The following GNA12 variants were observed in gnomAD, a reference collection of about 807,000 sequenced individuals.
The protein encoded by GNA12 is guanine nucleotide-binding protein subunit alpha-12.
Under a neutral mutation model 26.0 loss-of-function variants are expected in GNA12, and 9 were observed. That is an observed-to-expected ratio of 0.35 (90% CI 0.21 to 0.60). GNA12 has a LOEUF of 0.60. Ranked by LOEUF, GNA12 falls within the 20% of genes least tolerant of loss-of-function variation. The pLI, the probability that GNA12 is intolerant of heterozygous loss-of-function variation, is 0.78. For synonymous variants in GNA12, 264 were observed against 219.6 expected, an observed-to-expected ratio of 1.20 and a Z score of -1.79; for missense variants, 405 against 525.8, an observed-to-expected ratio of 0.77 and a Z score of 2.25.
chr7:2,796,023 G>T (rs963256193), intron 1 of GNA12, among the ~76,000 whole-genome samples: 1 of 151,782 alleles, frequency 6.6e-6, no homozygotes, highest in African/African-American at 2.4e-5. Flanking sequence ...GACCACCACG[G>T]ACTGCTAATT....
chr7:2,770,228 G>A (rs749963599), intron 2 of GNA12, among the ~76,000 whole-genome samples: 2 of 152,156 alleles, frequency 1.3e-5, no homozygotes, highest in African/African-American at 4.8e-5. Context: ...ACTTGCCCTG[G>A]AGAGTCCCAA....
chr7:2,774,545 G>T (rs1264113896), intron 2 of GNA12, among the ~76,000 whole-genome samples: 2 of 152,236 alleles, frequency 1.3e-5, no homozygotes, highest in East Asian at 1.9e-4. Flanking sequence ...AGCAGTGACA[G>T]AGAGGAGGGG....
intron 2 of GNA12, among the ~76,000 whole-genome samples, chr7:2,786,081 T>C (rs889603776): frequency 5.3e-5 from 8 of 152,014 alleles, no homozygotes; most frequent in African/African-American, 1.9e-4. Context: ...GAAGGTACAC[T>C]GGAAAGGGGC....
intron 2 of GNA12, among the ~76,000 whole-genome samples, chr7:2,781,407 A>AGTGTGTGTGTGTGT (rs1444568534): frequency 3.4e-5 from 2 of 58,856 alleles, no homozygotes; most frequent in Non-Finnish European, 7.2e-5. Context: ...TTTCAAAGTA[A>AGTGTGTGTGTGTGT]GTGTCTGTGT....
intron 2 of GNA12, among the ~76,000 whole-genome samples, chr7:2,761,909 T>C (rs1250743120): frequency 6.6e-6 from 1 of 152,184 alleles, no homozygotes; most frequent in Non-Finnish European, 1.5e-5. Flanking sequence ...CCATCTGTCG[T>C]ATCCACGGAA....
At chr7:2,745,478 T>C (rs1410188054) in intron 2 of GNA12, among the ~76,000 whole-genome samples, 2 of 152,186 alleles carry the variant, frequency 1.3e-5, no homozygotes, top group East Asian at 1.9e-4. Context: ...CTGAGAGATT[T>C]TGTCACCACC....
At chr7:2,808,610 G>A (rs148350748) in intron 1 of GNA12, among the ~76,000 whole-genome samples, 1 of 152,324 alleles carries the variant, frequency 6.6e-6, no homozygotes, top group East Asian at 1.9e-4. Context: ...GTCTGGCCCA[G>A]CCTGTCAGCC....
At chr7:2,806,080 CCTT>C (rs1209960495) in intron 1 of GNA12, among the ~76,000 whole-genome samples, 2 of 152,218 alleles carry the variant, frequency 1.3e-5, no homozygotes, top group African/African-American at 4.8e-5. Flanking sequence ...CGTTCTTTCT[CCTT>C]AATGTGGCTA....
At chr7:2,787,065 G>A (rs1016130463) in intron 2 of GNA12, among the ~76,000 whole-genome samples, 2 of 152,066 alleles carry the variant, frequency 1.3e-5, no homozygotes, top group Non-Finnish European at 2.9e-5. Context: ...AAAGACAAGC[G>A]GTGGGCTCCC....
intron 1 of GNA12, among the ~76,000 whole-genome samples, chr7:2,839,547 C>T (rs967076238): frequency 6.6e-6 from 1 of 152,238 alleles, no homozygotes; most frequent in South Asian, 2.1e-4. Context: ...CTGCACCCAG[C>T]CAATTTTTGT....
At chr7:2,778,073 C>G (rs1792123286) in intron 2 of GNA12, among the ~76,000 whole-genome samples, 1 of 152,228 alleles carries the variant, frequency 6.6e-6, no homozygotes, top group African/African-American at 2.4e-5. Context: ...ACGAGCTACA[C>G]TATGCCGCCT....
At chr7:2,802,511 A>C (rs1792835815) in intron 1 of GNA12, among the ~76,000 whole-genome samples, 1 of 152,146 alleles carries the variant, frequency 6.6e-6, no homozygotes, top group Non-Finnish European at 1.5e-5. Flanking sequence ...AAATCTTTTA[A>C]GATTAGTCAT....
intron 1 of GNA12, chr7:2,814,892 C>T: frequency 6.2e-7 from 1 of 1,602,690 alleles, no homozygotes; most frequent in Non-Finnish European, 8.5e-7. Context: ...TGCCAGGCAT[C>T]CTTGCTAGGC....
At chr7:2,792,108 C>T (rs1485097340) in intron 2 of GNA12, among the ~76,000 whole-genome samples, 5 of 152,204 alleles carry the variant, frequency 3.3e-5, no homozygotes, top group African/African-American at 7.2e-5. Flanking sequence ...CCTAATCACC[C>T]GCCAAGTGCA....
intron 2 of GNA12, among the ~76,000 whole-genome samples, chr7:2,776,529 A>G (rs182621925): frequency 2.0e-5 from 3 of 152,338 alleles, no homozygotes; most frequent in East Asian, 3.9e-4. Flanking sequence ...CCCACATTCA[A>G]CGGCTAAAGG....
intron 3 of GNA12, 70 bp downstream of exon 3, chr7:2,733,381 A>T: frequency 8.0e-7 from 1 of 1,257,536 alleles, no homozygotes; most frequent in Non-Finnish European, 1.1e-6. Context: ...CACAACGTGG[A>T]CTGCTTTGGT....
intron 2 of GNA12, among the ~76,000 whole-genome samples, chr7:2,736,070 GTCT>G (rs1249042710): frequency 6.6e-6 from 1 of 152,148 alleles, no homozygotes; most frequent in Non-Finnish European, 1.5e-5. Context: ...GACTCCTCAA[GTCT>G]TACAGCAGCA....
chr7:2,780,093 T>TAA lies in GNA12; in HGVS notation c.525+14834_525+14835insTT, dbSNP rs57390413. Among the ~76,000 whole-genome samples the TAA allele has an allele frequency of 4.3e-3, 559 of 130,084 alleles. 15 individuals carry two copies. The highest frequency in any genetic ancestry group is 0.015 in the African/African-American group (502 of 33,268). The allele number at this position is 130,084 out of a possible 152,430, so 85.3% of individuals were successfully genotyped here. On this transcript the variant is annotated intron_variant, in intron 2 of 3. Transcript: ENST00000275364. ...ATATATATATATATATATATATATA[T>TAA]GCCTGTTTTCCCTTCTAAACAGAAA...
At chr7:2,798,733 A>G (rs1015424991) in intron 1 of GNA12, among the ~76,000 whole-genome samples, 2 of 152,252 alleles carry the variant, frequency 1.3e-5, no homozygotes, top group African/African-American at 4.8e-5. Context: ...CAATCAGTCT[A>G]TCTGATTTTA....
Sources: gnomAD v4.1 joint callset for allele counts (sites outside exome capture counted in the v4.1 genomes callset) on GRCh38, gnomAD v4.1.1 for gene constraint, MANE v1.5 for transcripts, NCBI Gene and HGNC (gene_info 2026-07-23, HGNC 2026-07-21) for gene names.